GRM5: variants seen among roughly 807,000 people sequenced by gnomAD.
The protein encoded by GRM5 is glutamate metabotropic receptor 5.
Under a neutral mutation model 83.1 loss-of-function variants are expected in GRM5, and 19 were observed. The observed-to-expected ratio is 0.23, with a 90% CI of 0.16 to 0.34. GRM5 has a LOEUF of 0.34. GRM5 is among the 10% of genes least tolerant of loss of function. GRM5 has a pLI of 1.00. For synonymous variants in GRM5, 675 were observed against 633.6 expected (o/e 1.07, Z -0.98); for missense variants, 1,160 against 1,588.3 (o/e 0.73, Z 4.58).
Position 88,825,767 on chromosome 11 carries a change from G to A in GRM5, c.911+24139C>T. ...TCTAACCACAAGAGAGATTATCACTGTTTGCCTATTTCTGAAGGAACCCTC... is the reference window on the plus strand; with the variant it reads ...TCTAACCACAAGAGAGATTATCACTATTTGCCTATTTCTGAAGGAACCCTC... On this transcript the variant is annotated intron_variant, in intron 3 of 9. Coordinates refer to ENST00000305447, the MANE Select transcript of GRM5 (RefSeq NM_001143831.3). 1.3e-5 allele frequency among the ~76,000 whole-genome samples: 2 copies of A among 152,160 alleles called. 1 individual carries two copies. Among genetic ancestry groups the A allele is most frequent in the South Asian group, 4.1e-4 (2 of 4,832 alleles).
chr11:88,824,913 T>C (rs1188457103), intron 3 of GRM5, among the ~76,000 whole-genome samples: 1 of 152,238 alleles, frequency 6.6e-6, no homozygotes, highest in East Asian at 1.9e-4. Flanking sequence ...ATATTTCATA[T>C]TGCATGTTCA....
chr11:88,873,220 A>G (rs139604756), intron 2 of GRM5, among the ~76,000 whole-genome samples: 4,763 of 151,666 alleles, frequency 0.031, 105 homozygotes, highest in Non-Finnish European at 0.048. Flanking sequence ...GAAAACATTA[A>G]TAGACTTAAA....
intron 3 of GRM5, among the ~76,000 whole-genome samples, chr11:88,846,529 A>T (rs550216176): frequency 6.6e-6 from 1 of 152,340 alleles, no homozygotes; most frequent in African/African-American, 2.4e-5. Flanking sequence ...CTGATGGATG[A>T]GGTTGTCTCA....
intron 9 of GRM5, among the ~76,000 whole-genome samples, chr11:88,522,601 CTCTG>C (rs759963406): frequency 0.014 from 1,312 of 93,526 alleles, 3 homozygotes; most frequent in Non-Finnish European, 0.02. Context: ...CTCTCTCTCT[CTCTG>C]TGTGTGTGTG....
At chr11:88,598,098 G>A (rs745563825) in intron 5 of GRM5, among the ~76,000 whole-genome samples, 6 of 152,004 alleles carry the variant, frequency 3.9e-5, no homozygotes, top group African/African-American at 7.2e-5. Flanking sequence ...GAGGATATTG[G>A]ATAAGCAATA....
chr11:88,528,382 C>A (rs940151691), intron 8 of GRM5, among the ~76,000 whole-genome samples: 1 of 151,930 alleles, frequency 6.6e-6, no homozygotes, highest in Admixed American at 6.6e-5. Context: ...TTAAATAGAT[C>A]ATATTTTTAT....
At chr11:88,708,534 G>T (rs1472618460) in intron 3 of GRM5, among the ~76,000 whole-genome samples, 3 of 152,068 alleles carry the variant, frequency 2.0e-5, no homozygotes, top group African/African-American at 4.8e-5. Flanking sequence ...ATCTTACAAA[G>T]TATTTTCCTT....
chr11:88,939,018 TA>T (rs1447669018), intron 2 of GRM5, among the ~76,000 whole-genome samples: 1 of 151,818 alleles, frequency 6.6e-6, no homozygotes, highest in Non-Finnish European at 1.5e-5. Flanking sequence ...CAGTATATTT[TA>T]AATTCACAAT....
chr11:88,821,468 G>A (rs939558340), intron 3 of GRM5, among the ~76,000 whole-genome samples: 46 of 151,424 alleles, frequency 3.0e-4, no homozygotes, highest in African/African-American at 1.0e-3. Flanking sequence ...CTCAGGTTTC[G>A]ATGTCACCTT....
intron 2 of GRM5, among the ~76,000 whole-genome samples, chr11:88,955,208 T>C (rs1236312638): frequency 6.6e-6 from 1 of 152,240 alleles, no homozygotes; most frequent in Non-Finnish European, 1.5e-5. Context: ...TTTACTGTTA[T>C]CATTCTTCAA....
chr11:89,007,799 T>C (rs1940573251), intron 2 of GRM5, among the ~76,000 whole-genome samples: 1 of 152,108 alleles, frequency 6.6e-6, no homozygotes, highest in Non-Finnish European at 1.5e-5. Flanking sequence ...AGGTGAGAAG[T>C]AAAAGAAAGT....
At chr11:88,957,006 T>TCTC (rs551720075) in intron 2 of GRM5, among the ~76,000 whole-genome samples, 188 of 152,054 alleles carry the variant, frequency 1.2e-3, no homozygotes, top group African/African-American at 4.4e-3. Flanking sequence ...TTTAATAAAT[T>TCTC]CTCAGTAATT....
At chr11:88,906,308 G>T in intron 2 of GRM5, among the ~76,000 whole-genome samples, 1 of 152,140 alleles carries the variant, frequency 6.6e-6, no homozygotes, top group Non-Finnish European at 1.5e-5. Context: ...TTCCTCAAGT[G>T]ATTTTTCTAG....
At chr11:88,667,918 G>A (rs1411755569) in intron 3 of GRM5, among the ~76,000 whole-genome samples, 1 of 151,030 alleles carries the variant, frequency 6.6e-6, no homozygotes, top group African/African-American at 2.4e-5. Context: ...GAAAAAAAAT[G>A]TTAAAGTCAA....
At chr11:88,914,282 A>G (rs1006025767) in intron 2 of GRM5, among the ~76,000 whole-genome samples, 4 of 152,160 alleles carry the variant, frequency 2.6e-5, no homozygotes, top group Non-Finnish European at 5.9e-5. Flanking sequence ...GAATATAATT[A>G]ATTCAAAAAT....
At chr11:88,538,979 T>C (rs1942201520) in intron 8 of GRM5, among the ~76,000 whole-genome samples, 1 of 152,222 alleles carries the variant, frequency 6.6e-6, no homozygotes, top group Non-Finnish European at 1.5e-5. Flanking sequence ...TTTCAAACCT[T>C]ATCATTTTTT....
intron 2 of GRM5, among the ~76,000 whole-genome samples, chr11:88,992,876 G>T (rs1174534368): frequency 7.2e-6 from 1 of 139,140 alleles, no homozygotes; most frequent in Non-Finnish European, 1.6e-5. Flanking sequence ...GTGGGGTGGG[G>T]GAGGGGGGAG....
chr11:88,592,376 G>A (rs1937662378), intron 6 of GRM5, among the ~76,000 whole-genome samples: 1 of 152,144 alleles, frequency 6.6e-6, no homozygotes, highest in Non-Finnish European at 1.5e-5. Flanking sequence ...TCCATATACA[G>A]AAATGAAGAA....
chr11:88,753,768 T>C (rs1454957529), intron 3 of GRM5, among the ~76,000 whole-genome samples: 1 of 151,908 alleles, frequency 6.6e-6, no homozygotes, highest in East Asian at 1.9e-4. Context: ...TTCCCGAGAC[T>C]GAGCAATTTA....
Sources: allele counts gnomAD v4.1 joint callset (sites outside exome capture counted in the v4.1 genomes callset), GRCh38; gene constraint gnomAD v4.1.1; transcripts MANE v1.5; gene names NCBI Gene and HGNC (gene_info 2026-07-23, HGNC 2026-07-21).